The following SACS variants were observed in gnomAD, a reference collection of about 807,000 sequenced individuals.
SACS encodes the protein sacsin molecular chaperone.
In SACS, 197 loss-of-function variants were observed where a neutral mutation model predicts 348.0. The observed-to-expected ratio is 0.57, with a 90% CI of 0.50 to 0.64. The LOEUF (loss-of-function observed/expected upper bound fraction) is 0.64. SACS is among the 30% of genes least tolerant of loss of function. SACS has a pLI of 0.00. For missense variants in SACS, 4,999 were observed against 5,360.8 expected (o/e 0.93, Z 2.11); for synonymous variants, 1,985 against 1,910.6 (o/e 1.04, Z -1.02).
rs867417616 is a variant in SACS at position 23,394,865 on chromosome 13, A to G, written c.20+16355T>C. Among the ~76,000 whole-genome samples, 6 of 152,280 alleles carry G rather than the reference A, an allele frequency of 3.9e-5. No individual in the cohort carries two copies. The South Asian group carries it at 6.2e-4, about 16-fold the overall frequency. On this transcript the variant is annotated intron_variant, in intron 2 of 9. Coordinates refer to ENST00000382292, the MANE Select transcript of SACS (RefSeq NM_014363.6). ...GCAAGTCTCCCTCTCGAAAACAAAC[A>G]AAGATTCGTCATTGGACTCCTGGAC... is the stretch of plus-strand genomic sequence containing the variant.
chr13:23,418,035 C>A (rs1176719761), intron 1 of SACS, among the ~76,000 whole-genome samples: 1 of 148,628 alleles, frequency 6.7e-6, no homozygotes. Context: ...TCATTGCACT[C>A]CAGCCTGGGA....
At chr13:23,423,372 T>A (rs1874032603) in intron 1 of SACS, among the ~76,000 whole-genome samples, 1 of 152,184 alleles carries the variant, frequency 6.6e-6, no homozygotes, top group Admixed American at 6.5e-5. Context: ...ACCTAAGGAA[T>A]GACATTCCAT....
intron 9 of SACS, among the ~76,000 whole-genome samples, 161 bp from the exon 10 acceptor site, chr13:23,341,851 A>G (rs1869272313): frequency 1.4e-5 from 2 of 141,150 alleles, no homozygotes; most frequent in Non-Finnish European, 3.0e-5. Context: ...CAGTAGCACA[A>G]TCTCAGCTCA....
Position 23,411,228 on chromosome 13 carries a change from C to T in SACS, c.12G>A (p.Lys4=), listed in dbSNP as rs773980923. 2.5e-6 allele frequency: 4 copies of T among 1,606,724 alleles called. No individual in the cohort carries two copies. In the South Asian group the frequency reaches 3.3e-5, roughly 13 times the overall value. ...AACATTAACTCATTTACCTGTTCTC[C>T]TTGGTCTCCATGATCACTTCTCCTG... MET[K]ENRWVPVTVL... is the part of the protein sequence containing the mutation. Residue 4 remains lysine (K), a synonymous_variant, in exon 2 of 10, where the codon AAG becomes AAA. Transcript: ENST00000382292.
chr13:23,347,829 T>C (rs1401498137), intron 9 of SACS, among the ~76,000 whole-genome samples: 1 of 152,068 alleles, frequency 6.6e-6, no homozygotes, highest in Non-Finnish European at 1.5e-5. Context: ...GGACAGAACA[T>C]GCTGTCCTCC....
intron 2 of SACS, among the ~76,000 whole-genome samples, chr13:23,387,900 C>T (rs1872360373): frequency 6.6e-6 from 1 of 152,076 alleles, no homozygotes; most frequent in African/African-American, 2.4e-5. Context: ...CAATGAGACA[C>T]CACTGTACCC....
chr13:23,358,431 G>A lies in SACS; in HGVS notation c.508C>T (p.His170Tyr), dbSNP rs1331763729. ...NNAVFTPEDWHGIQEIARSRK... is the reference protein window; with the variant it reads ...NNAVFTPEDWYGIQEIARSRK... ...CTTCTTGCTATTTCTTGAATGCCGT[G>A]CCAGTCCTCTGGGGTGAAAACCGCG... Residue 170 changes from histidine (H) to tyrosine (Y), a missense_variant, in exon 7 of 10, where the codon CAC (histidine) becomes TAC (tyrosine). Physicochemically the swap from His to Tyr is moderately conservative, Grantham distance 83. Around this residue, in one of 6 missense-constraint regions of SACS, gnomAD observed 3,156 missense variants for 3,380.1 expected, o/e 0.93. Coordinates refer to ENST00000382292, the MANE Select transcript of SACS (RefSeq NM_014363.6). The A allele has an allele frequency of 5.6e-6, 9 of 1,613,994 alleles. No individual in the cohort carries two copies. The highest frequency in any genetic ancestry group is 7.6e-6 in the Non-Finnish European group (9 of 1,180,006).
At position 23,334,553 on chromosome 13, in the gene SACS, G is replaced by A; in HGVS notation, c.9323C>T (p.Pro3108Leu). 6.2e-7 allele frequency: 1 copy of A among 1,613,508 alleles called. No individual in the cohort carries two copies. The highest frequency in any genetic ancestry group is 8.5e-7 in the Non-Finnish European group (1 of 1,179,738). Residue 3108 changes from proline (P) to leucine (L), a missense_variant, in exon 10 of 10, where the codon CCT becomes CTT. This residue lies in a region of SACS where 734 missense variants were observed against 694.0 expected (regional missense o/e 1.06). Transcript: ENST00000382292. ...IRSFLMTFSS[P>L]DTNCHIGKLP... ...CTTCCCAATATGGCAATTAGTGTCA[G>A]GAGAGGAAAATGTCATTAAAAAAGA...
intron 2 of SACS, among the ~76,000 whole-genome samples, chr13:23,395,589 C>T (rs543299213): frequency 1.3e-5 from 2 of 152,260 alleles, no homozygotes; most frequent in East Asian, 3.9e-4. Context: ...TCCCACCTCC[C>T]TACAATCACC....
In SACS at chr13:23,330,413, G is replaced by A; in HGVS notation, c.13463C>T (p.Ala4488Val). ...AGACTTTCCCCTCACAGCATAGTCA[G>A]CTGCAATCAAAGCTAACTTGGTAGA... ...YLSTKLALIA[A>V]DYAVRGKSDK... is the part of the protein sequence containing the mutation. Residue 4488 changes from alanine (A) to valine (V), a missense_variant, in exon 10 of 10, where the codon GCT (alanine) becomes GTT (valine). Around this residue, in one of 6 missense-constraint regions of SACS, gnomAD observed 254 missense variants for 275.1 expected, o/e 0.92. Coordinates refer to ENST00000382292, the MANE Select transcript of SACS (RefSeq NM_014363.6). 4 of 1,614,188 alleles carry A rather than the reference G, an allele frequency of 2.5e-6. No individual in the cohort carries two copies. The highest frequency in any genetic ancestry group is 3.4e-6 in the Non-Finnish European group (4 of 1,180,026).
chr13:23,390,437 A>T (rs571987705), intron 2 of SACS, among the ~76,000 whole-genome samples: 2 of 152,282 alleles, frequency 1.3e-5, no homozygotes, highest in South Asian at 4.1e-4. Flanking sequence ...AGGTAGGCAC[A>T]TTGCTTGAGT....
intron 1 of SACS, chr13:23,427,168 A>G (rs934020935): frequency 1.3e-5 from 2 of 152,258 alleles, no homozygotes; most frequent in African/African-American, 4.8e-5. Context: ...TTCTAACAGC[A>G]TTTAGTCAAC....
Position 23,355,503 on chromosome 13 carries a change from C to T in SACS, c.1109G>A (p.Cys370Tyr). 4 of 1,614,124 alleles carry T rather than the reference C, an allele frequency of 2.5e-6. No homozygotes were observed. Among genetic ancestry groups the T allele is most frequent in the Non-Finnish European group, 2.5e-6 (3 of 1,179,988 alleles). ...AACAATATTTACGTGATATGTTACA[C>T]AGGTGATGTTATTGCTTGGAGTCTT... is the stretch of plus-strand genomic sequence containing the variant. ...CKKTPSNNIT[C>Y]VTYHVNIVLE... The change falls in exon 8 of 10, where the codon TGT (cysteine) becomes TAT (tyrosine). Residue 370 changes from cysteine (C) to tyrosine (Y), a missense_variant. This residue lies in a region of SACS where 3,156 missense variants were observed against 3,380.1 expected (regional missense o/e 0.93). Transcript: ENST00000382292.
At chr13:23,363,159 T>C (rs1316482531) in intron 6 of SACS, among the ~76,000 whole-genome samples, 3 of 151,922 alleles carry the variant, frequency 2.0e-5, no homozygotes, top group Non-Finnish European at 4.4e-5. Flanking sequence ...TCTGTCCACC[T>C]CAGCCTCCCA....
intron 1 of SACS, among the ~76,000 whole-genome samples, chr13:23,426,378 C>T (rs537174612): frequency 5.3e-5 from 8 of 152,250 alleles, no homozygotes; most frequent in East Asian, 1.9e-4. Context: ...CAGTGGCCCA[C>T]GCCTGTAATC....
intron 5 of SACS, among the ~76,000 whole-genome samples, chr13:23,367,500 G>C (rs555556064): frequency 1.4e-4 from 22 of 152,322 alleles, no homozygotes; most frequent in African/African-American, 4.6e-4. Context: ...TGACAATTAA[G>C]GAAGTTTCTT....
chr13:23,378,241 C>T (rs975049406), intron 2 of SACS, among the ~76,000 whole-genome samples: 13 of 152,136 alleles, frequency 8.5e-5, no homozygotes, highest in African/African-American at 2.7e-4. Context: ...TCAAAGACAG[C>T]TTTGCCAAAG....
intron 2 of SACS, among the ~76,000 whole-genome samples, chr13:23,376,459 T>A (rs1164314483): frequency 6.6e-6 from 1 of 152,186 alleles, no homozygotes; most frequent in Non-Finnish European, 1.5e-5. Context: ...GTGTGCTCCT[T>A]ATTTTAAATA....
intron 2 of SACS, among the ~76,000 whole-genome samples, chr13:23,407,294 G>T (rs919772610): frequency 7.9e-5 from 12 of 152,144 alleles, no homozygotes; most frequent in African/African-American, 2.9e-4. Context: ...CACCTCCCAG[G>T]TTCACACCAT....
Sources: gnomAD v4.1 joint callset for allele counts (sites outside exome capture counted in the v4.1 genomes callset) on GRCh38, gnomAD v4.1.1 for gene constraint, gnomAD v4.1.1 regional missense constraint, MANE v1.5 for transcripts, NCBI Gene and HGNC (gene_info 2026-07-23, HGNC 2026-07-21) for gene names.